Variants in THTPA observed in about 807,000 individuals in gnomAD.
THTPA encodes the protein thiamine-triphosphatase.
Under a neutral mutation model 16.5 loss-of-function variants are expected in THTPA, and 16 were observed. The ratio of observed to expected loss-of-function variants is 0.97; its 90% CI spans 0.66 to 1.47. The LOEUF is 1.47. Among genes scored for constraint, THTPA ranks in the 40% most tolerant of loss-of-function variants. THTPA has a pLI of 0.00. For synonymous variants in THTPA, 110 were observed against 115.5 expected, an observed-to-expected ratio of 0.95 and a Z score of 0.30; for missense variants, 281 against 280.9, an observed-to-expected ratio of 1.00 and a Z score of 0.00.
At chr14:23,550,425 A>T in the THTPA span, among the ~76,000 whole-genome samples, 1 of 152,258 alleles carries the variant, frequency 6.6e-6, no homozygotes, top group African/African-American at 2.4e-5. Context: ...CCGACAGAAC[A>T]GGCAGCCAAG....
the THTPA span, chr14:23,534,576 C>T: frequency 6.5e-7 from 1 of 1,536,178 alleles, no homozygotes; most frequent in Non-Finnish European, 8.7e-7. This position sits in a 1 kb window ranked among gnomAD's most constrained non-coding sequence, Gnocchi z 4.5. Flanking sequence ...CCATAAAGGC[C>T]TGGGGCTTGC....
chr14:23,524,171 A>AC, the THTPA span: 5 of 1,533,900 alleles, frequency 3.3e-6, no homozygotes, highest in Non-Finnish European at 3.5e-6. The surrounding 1 kb of genome is among the most constrained non-coding windows in gnomAD (Gnocchi z 5.6). Flanking sequence ...TGGACTAGGC[A>AC]CCCCCCCAGG....
chr14:23,550,445 A>G, the THTPA span, among the ~76,000 whole-genome samples: 1 of 152,250 alleles, frequency 6.6e-6, no homozygotes, highest in Admixed American at 6.5e-5. Context: ...GGCGTGACAC[A>G]TAGTGATAGA....
chr14:23,535,204 G>A, the THTPA span: 3 of 1,529,370 alleles, frequency 2.0e-6, no homozygotes, highest in Non-Finnish European at 8.8e-7. The surrounding 1 kb of genome is among the most constrained non-coding windows in gnomAD (Gnocchi z 4.5). Flanking sequence ...GGCAGCAGGG[G>A]GATCTTTGGT....
At chr14:23,535,052 C>T in the THTPA span, 3 of 1,536,290 alleles carry the variant, frequency 2.0e-6, no homozygotes, top group Non-Finnish European at 2.6e-6. This position sits in a 1 kb window ranked among gnomAD's most constrained non-coding sequence, Gnocchi z 4.5. Flanking sequence ...TCCTTTTCCA[C>T]CCCTGGGTCA....
chr14:23,557,103 C>G lies in THTPA; in HGVS notation c.346C>G (p.Gln116Glu). 6.2e-7 allele frequency: 1 copy of G among 1,614,138 alleles called. No individual in the cohort carries two copies. Among genetic ancestry groups the G allele is most frequent in the Non-Finnish European group, 8.5e-7 (1 of 1,180,040 alleles). ...VAAVLGPLGLQEVASFVTKRS... is the reference protein window; with the variant it reads ...VAAVLGPLGLEEVASFVTKRS... ...TGCTGTGCTGGGCCCACTGGGGCTG[C>G]AGGAAGTAGCTAGTTTTGTGACTAA... is the stretch of plus-strand genomic sequence containing the variant. The change falls in exon 1 of 2, where the codon CAG becomes GAG. Residue 116 changes from glutamine (Q) to glutamate (E), a missense_variant. Transcript: ENST00000288014.
the THTPA span, among the ~76,000 whole-genome samples, chr14:23,536,341 C>T: frequency 1.2e-4 from 19 of 152,180 alleles, no homozygotes; most frequent in Non-Finnish European, 1.8e-4. Flanking sequence ...CATACCCTGA[C>T]GAGGTAAATT....
chr14:23,512,801 A>C, the THTPA span: 1 of 149,868 alleles, frequency 6.7e-6, no homozygotes, highest in Non-Finnish European at 1.5e-5. Flanking sequence ...TTCTGGTGTG[A>C]GGGCGAAGGC....
chr14:23,556,886 T>G lies in THTPA; in HGVS notation c.129T>G (p.Pro43=), dbSNP rs202234819. 121 of 1,613,622 alleles carry G rather than the reference T, an allele frequency of 7.5e-5. No homozygotes were observed. Among genetic ancestry groups the G allele is most frequent in the Non-Finnish European group, 9.1e-5 (107 of 1,179,806 alleles). ...VTFRDTYYDT[P]ELSLMQADHW... is the part of the protein sequence containing the mutation. ...TCCGAGACACCTACTATGACACCCC[T>G]GAGCTGAGCCTCATGCAGGCTGACC... Residue 43 remains proline (P), a synonymous_variant, in exon 1 of 2, where the codon CCT becomes CCG. Transcript: ENST00000288014.
Position 23,556,422 on chromosome 14 carries a change from G to C in THTPA, c.-336G>C, listed in dbSNP as rs1174516024. 1 of 285,198 alleles carries C rather than the reference G, an allele frequency of 3.5e-6. No individual in the cohort carries two copies. The highest frequency in any genetic ancestry group is 6.6e-6 in the Non-Finnish European group (1 of 151,298). The allele number at this position is 285,198 out of a possible 1,614,324, so 17.7% of individuals were successfully genotyped here. Reference sequence around the variant, plus strand: ...CCGGGTCGTGAGCCAGTAGCCTCCTGGGGTGGCAAGGTGTAGAGAGGGGGG... The same window carrying C: ...CCGGGTCGTGAGCCAGTAGCCTCCTCGGGTGGCAAGGTGTAGAGAGGGGGG... On this transcript the variant is annotated 5_prime_UTR_variant, in exon 1 of 2. Coordinates refer to ENST00000288014, the MANE Select transcript of THTPA (RefSeq NM_024328.6).
At chr14:23,523,508 C>G in the THTPA span, 1 of 1,536,388 alleles carries the variant, frequency 6.5e-7, no homozygotes, top group Non-Finnish European at 8.7e-7. The surrounding 1 kb of genome is among the most constrained non-coding windows in gnomAD (Gnocchi z 4.1). Context: ...GCAGTCAGTG[C>G]GCTGGGCTGC....
the THTPA span, chr14:23,521,623 G>C: frequency 8.0e-6 from 2 of 249,158 alleles, no homozygotes; most frequent in Non-Finnish European, 1.5e-5. Flanking sequence ...GTGAGGAAAA[G>C]GAAGATAGAA....
the THTPA span, chr14:23,532,540 C>T: frequency 2.3e-5 from 33 of 1,430,136 alleles, no homozygotes; most frequent in East Asian, 2.5e-4. Flanking sequence ...TCTCCTCTTC[C>T]GATGGCCCTT....
chr14:23,554,487 C>T (rs114744720), upstream of THTPA, among the ~76,000 whole-genome samples: 749 of 152,160 alleles, frequency 4.9e-3, 8 homozygotes, highest in African/African-American at 0.017. Flanking sequence ...AGCTATCCCG[C>T]TGCCTCAACC....
the THTPA span, chr14:23,533,263 G>C: frequency 7.0e-7 from 1 of 1,436,386 alleles, no homozygotes; most frequent in Non-Finnish European, 9.1e-7. The surrounding 1 kb of genome is among the most constrained non-coding windows in gnomAD (Gnocchi z 4.8). Flanking sequence ...GGAGAGAAGA[G>C]GGAAGAAGCA....
upstream of THTPA, among the ~76,000 whole-genome samples, chr14:23,552,159 C>T (rs1882016487): frequency 6.6e-6 from 1 of 152,106 alleles, no homozygotes; most frequent in South Asian, 2.1e-4. Flanking sequence ...CCTTCTCTAC[C>T]GCAGCAATTA....
chr14:23,536,084 A>T, the THTPA span, among the ~76,000 whole-genome samples: 2 of 152,086 alleles, frequency 1.3e-5, no homozygotes, highest in African/African-American at 4.8e-5. Context: ...CACTAACACC[A>T]TCCTGGGGCC....
chr14:23,544,531 TG>T, the THTPA span, among the ~76,000 whole-genome samples: 1 of 152,230 alleles, frequency 6.6e-6, no homozygotes, highest in Non-Finnish European at 1.5e-5. Flanking sequence ...TCTCCCTGGC[TG>T]GATTTTCCCA....
At chr14:23,550,051 G>T in the THTPA span, among the ~76,000 whole-genome samples, 1 of 152,228 alleles carries the variant, frequency 6.6e-6, no homozygotes, top group Non-Finnish European at 1.5e-5. Flanking sequence ...GATACAGTGG[G>T]GGAAGGGAGT....
Sources: allele counts gnomAD v4.1 joint callset (sites outside exome capture counted in the v4.1 genomes callset), GRCh38; gene constraint gnomAD v4.1.1; non-coding constraint Gnocchi (gnomAD v3.1); transcripts MANE v1.5; gene names NCBI Gene and HGNC (gene_info 2026-07-23, HGNC 2026-07-21).